PPARGC1A: variants seen among roughly 807,000 people sequenced by gnomAD.
PPARGC1A encodes the protein peroxisome proliferator-activated receptor gamma coactivator 1-alpha.
PPARGC1A carries 25 observed loss-of-function variants against 88.7 expected under a neutral mutation model. The observed-to-expected ratio is 0.28, with a 90% confidence interval of 0.21 to 0.39. PPARGC1A has a LOEUF of 0.39. Among genes scored for constraint, PPARGC1A ranks in the 10% least tolerant of loss-of-function variants. PPARGC1A has a pLI of 1.00. For missense variants in PPARGC1A, 880 were observed against 968.7 expected (o/e 0.91, Z 1.22); for synonymous variants, 363 against 355.6 (o/e 1.02, Z -0.24).
At chr4:23,971,302 T>C in the PPARGC1A span, among the ~76,000 whole-genome samples, 2 of 152,190 alleles carry the variant, frequency 1.3e-5, no homozygotes, top group African/African-American at 4.8e-5. Flanking sequence ...ACCATCAGTA[T>C]AGTTGAGGCA....
At chr4:24,317,608 A>G in the PPARGC1A span, among the ~76,000 whole-genome samples, 2 of 146,954 alleles carry the variant, frequency 1.4e-5, no homozygotes, top group Non-Finnish European at 3.0e-5. Flanking sequence ...ACCACCACCA[A>G]AAGGGCTGGC....
chr4:24,305,177 GTGTA>G, the PPARGC1A span, among the ~76,000 whole-genome samples: 1 of 148,960 alleles, frequency 6.7e-6, no homozygotes, highest in Non-Finnish European at 1.5e-5. Context: ...GTGTGTGTGT[GTGTA>G]TATTTATATA....
At chr4:23,929,452 G>A in the PPARGC1A span, among the ~76,000 whole-genome samples, 1 of 152,210 alleles carries the variant, frequency 6.6e-6, no homozygotes, top group African/African-American at 2.4e-5. Flanking sequence ...CAAGTTTGGA[G>A]CCAGAGGTGA....
At chr4:24,433,663 T>G in the PPARGC1A span, among the ~76,000 whole-genome samples, 1 of 152,176 alleles carries the variant, frequency 6.6e-6, no homozygotes, top group Non-Finnish European at 1.5e-5. Context: ...CGGGGTAATG[T>G]GGGATGCTAT....
At chr4:23,902,767 C>T (rs542084064), upstream of PPARGC1A, among the ~76,000 whole-genome samples, 2 of 152,074 alleles carry the variant, frequency 1.3e-5, no homozygotes, top group African/African-American at 2.4e-5. Flanking sequence ...AAAATGCACC[C>T]GCCTCTCTCT....
chr4:24,248,164 G>A, the PPARGC1A span, among the ~76,000 whole-genome samples: 8 of 151,548 alleles, frequency 5.3e-5, no homozygotes, highest in African/African-American at 1.9e-4. Flanking sequence ...TCGCTCTGTC[G>A]CCCAGGCTGG....
chr4:24,066,849 G>GTTTTTTTTTTTTTTTTTT, the PPARGC1A span, among the ~76,000 whole-genome samples: 7 of 100,866 alleles, frequency 6.9e-5, no homozygotes, highest in African/African-American at 1.7e-4. Context: ...TTTGTTTTGG[G>GTTTTTTTTTTTTTTTTTT]TTTTTTTTTT....
the PPARGC1A span, among the ~76,000 whole-genome samples, chr4:24,257,554 C>T: frequency 6.6e-6 from 1 of 152,142 alleles, no homozygotes; most frequent in Admixed American, 6.6e-5. Flanking sequence ...ATTGCACAGT[C>T]TCCTCCTGCC....
chr4:24,208,688 T>A, the PPARGC1A span, among the ~76,000 whole-genome samples: 3,449 of 71,606 alleles, frequency 0.048, 173 homozygotes, highest in African/African-American at 0.12. Context: ...AAAAAATATA[T>A]ATATATATAT....
chr4:24,136,801 T>C, the PPARGC1A span, among the ~76,000 whole-genome samples: 18 of 152,244 alleles, frequency 1.2e-4, no homozygotes, highest in African/African-American at 4.3e-4. Context: ...TATTTGGAGA[T>C]AGGGCCTTTA....
chr4:24,009,966 C>T, the PPARGC1A span, among the ~76,000 whole-genome samples: 35 of 152,220 alleles, frequency 2.3e-4, no homozygotes, highest in East Asian at 7.7e-4. Flanking sequence ...TGTCACCAGA[C>T]GCCTAGCATG....
In PPARGC1A at chr4:23,895,314, TTTTTTC is replaced by T. The variant is rs547962163; in HGVS notation, n.52+3947_52+3952del. 8.5e-4 allele frequency among the ~76,000 whole-genome samples: 129 copies of T among 151,656 alleles called. No individual in the cohort carries two copies. The Middle Eastern group carries it at 0.01, about 12-fold the overall frequency. On this transcript the variant is annotated intron_variant and non_coding_transcript_variant, in intron 1 of 3. Coordinates refer to the PPARGC1A transcript ENST00000507342. ...AAAAGGTAACAATAAATATATATATTTTTTTCTTTTTCTTTTTCTTTTTTTTTTAAT... is the reference window on the plus strand; with the variant it reads ...AAAAGGTAACAATAAATATATATATTTTTTTCTTTTTCTTTTTTTTTTAAT...
the PPARGC1A span, among the ~76,000 whole-genome samples, chr4:24,079,179 T>TAAATTA: frequency 6.6e-6 from 1 of 152,096 alleles, no homozygotes; most frequent in African/African-American, 2.4e-5. Flanking sequence ...TCAAGTATTT[T>TAAATTA]AAATTTTTAA....
chr4:24,206,348 T>C, the PPARGC1A span, among the ~76,000 whole-genome samples: 1 of 152,166 alleles, frequency 6.6e-6, no homozygotes, highest in Admixed American at 6.5e-5. Flanking sequence ...AAATTTCTAA[T>C]AATAGAAAAA....
chr4:24,018,553 G>A, the PPARGC1A span, among the ~76,000 whole-genome samples: 61 of 152,202 alleles, frequency 4.0e-4, no homozygotes, highest in South Asian at 0.012. Context: ...TCAAGGCAGA[G>A]GCACAAGTCT....
the PPARGC1A span, among the ~76,000 whole-genome samples, chr4:24,089,321 C>G: frequency 6.6e-6 from 1 of 151,996 alleles, no homozygotes; most frequent in Non-Finnish European, 1.5e-5. Flanking sequence ...TTATGGGGAC[C>G]CAGCCTAGCG....
chr4:24,343,573 T>C, the PPARGC1A span, among the ~76,000 whole-genome samples: 1 of 152,200 alleles, frequency 6.6e-6, no homozygotes, highest in Non-Finnish European at 1.5e-5. Context: ...AAATTTCTAT[T>C]GTTTATAAAT....
At chr4:23,907,026 G>A (rs780366436), upstream of PPARGC1A, among the ~76,000 whole-genome samples, 2 of 152,134 alleles carry the variant, frequency 1.3e-5, no homozygotes, top group Non-Finnish European at 2.9e-5. Flanking sequence ...GCAGTCTGGC[G>A]AGCTATCACT....
At chr4:24,046,993 C>T in the PPARGC1A span, among the ~76,000 whole-genome samples, 5 of 152,076 alleles carry the variant, frequency 3.3e-5, no homozygotes, top group Non-Finnish European at 7.4e-5. Context: ...AGATGCTGGC[C>T]GGTGGTGGTT....
Sources: allele counts gnomAD v4.1 joint callset (sites outside exome capture counted in the v4.1 genomes callset), GRCh38; gene constraint gnomAD v4.1.1; transcripts MANE v1.5; gene names NCBI Gene and HGNC (gene_info 2026-07-23, HGNC 2026-07-21).